The following PPP2R5E variants were observed in gnomAD, a reference collection of about 807,000 sequenced individuals.
PPP2R5E encodes serine/threonine-protein phosphatase 2A 56 kDa regulatory subunit epsilon isoform.
Under a neutral mutation model 65.3 loss-of-function variants are expected in PPP2R5E, and 4 were observed. The observed-to-expected ratio is 0.06, with a 90% CI of 0.03 to 0.14. The LOEUF is 0.14. PPP2R5E is among the 10% of genes least tolerant of loss of function. PPP2R5E has a pLI of 1.00. For missense variants in PPP2R5E, 274 were observed against 556.1 expected (o/e 0.49, Z 5.10); for synonymous variants, 183 against 187.4 (o/e 0.98, Z 0.19).
Position 63,373,546 on chromosome 14 carries a change from A to G in PPP2R5E, c.*2463T>C, listed in dbSNP as rs1283197677. 1 of 152,248 alleles carries G rather than the reference A, an allele frequency of 6.6e-6. No homozygotes were observed. Among genetic ancestry groups the G allele is most frequent in the African/African-American group, 2.4e-5 (1 of 41,468 alleles). 9.4% of individuals were successfully genotyped at this position (152,248 alleles called of 1,614,324 possible). A position where few individuals can be genotyped will look rare whatever the true frequency, so the allele number is the denominator to read the frequency against. The stretch of plus-strand genomic sequence containing the variant: ...GTTTCTTCTCAGAAGTTGCCCTACG[A>G]ATTTTAGACATATAGCTTTAATTGA... On this transcript the variant is annotated 3_prime_UTR_variant, in exon 14 of 14. Transcript: ENST00000337537.
intron 5 of PPP2R5E, among the ~76,000 whole-genome samples, chr14:63,401,762 T>C (rs1455277789): frequency 1.3e-5 from 2 of 152,092 alleles, no homozygotes; most frequent in African/African-American, 4.8e-5. Flanking sequence ...AAGATGGAAG[T>C]GGATGACAAG....
rs531853213 is a variant in PPP2R5E, at chr14:63,541,973, A to T, written c.-8+806T>A. 1.7e-4 allele frequency among the ~76,000 whole-genome samples: 26 copies of T among 152,336 alleles called. No individual in the cohort carries two copies. The South Asian group carries it at 5.4e-3, about 32-fold the overall frequency. On this transcript the variant is annotated intron_variant, in intron 1 of 13. Coordinates refer to ENST00000337537, the MANE Select transcript of PPP2R5E (RefSeq NM_006246.5). ...GCATCAGCCAAAAGCTCCACATCTTATTTGTACGTTGTAAATTTAGGGGCC... is the reference window on the plus strand; with the variant it reads ...GCATCAGCCAAAAGCTCCACATCTTTTTTGTACGTTGTAAATTTAGGGGCC...
chr14:63,491,057 G>T (rs1891264004), intron 2 of PPP2R5E, among the ~76,000 whole-genome samples: 1 of 151,922 alleles, frequency 6.6e-6, no homozygotes, highest in Non-Finnish European at 1.5e-5. Flanking sequence ...AGCATAAGAA[G>T]AATGAAATCA....
At chr14:63,515,460 C>A (rs954963871) in intron 2 of PPP2R5E, among the ~76,000 whole-genome samples, 24 of 152,136 alleles carry the variant, frequency 1.6e-4, no homozygotes, top group Admixed American at 1.5e-3. Flanking sequence ...TTTCTTGGAG[C>A]CTTGGTTTCC....
intron 2 of PPP2R5E, among the ~76,000 whole-genome samples, chr14:63,481,272 G>A (rs1025377406): frequency 5.9e-5 from 9 of 152,084 alleles, no homozygotes; most frequent in Non-Finnish European, 1.3e-4. Context: ...CGAGGCGGGT[G>A]AATCACCTGA....
At chr14:63,399,366 C>CTTTTTTT (rs397814218) in intron 5 of PPP2R5E, among the ~76,000 whole-genome samples, 641 of 48,566 alleles carry the variant, frequency 0.013, 98 homozygotes, top group Non-Finnish European at 0.017. Flanking sequence ...GGATTTCTTT[C>CTTTTTTT]TTTTTTTTTT....
chr14:63,432,039 CA>C (rs5809200), intron 3 of PPP2R5E, among the ~76,000 whole-genome samples: 25,054 of 115,904 alleles, frequency 0.22, 2,553 homozygotes, highest in African/African-American at 0.33. Context: ...AAGGGAATAT[CA>C]AAAAAAAAAA....
intron 2 of PPP2R5E, among the ~76,000 whole-genome samples, chr14:63,520,325 G>T (rs904417526): frequency 6.6e-6 from 1 of 151,818 alleles, no homozygotes; most frequent in African/African-American, 2.4e-5. Flanking sequence ...GTGAGCCACC[G>T]CGCCCAGCCA....
chr14:63,420,061 A>G (rs1025931302), intron 4 of PPP2R5E, among the ~76,000 whole-genome samples: 1 of 152,170 alleles, frequency 6.6e-6, no homozygotes, highest in Non-Finnish European at 1.5e-5. Flanking sequence ...GTAAAAGTTT[A>G]TTGTACTTTA....
intron 2 of PPP2R5E, among the ~76,000 whole-genome samples, chr14:63,466,959 G>T (rs1400374940): frequency 6.6e-6 from 1 of 152,172 alleles, no homozygotes; most frequent in Non-Finnish European, 1.5e-5. Context: ...GGGTGCAGTG[G>T]CTCACGCCTG....
chr14:63,464,571 C>T (rs1358859999), intron 2 of PPP2R5E, among the ~76,000 whole-genome samples: 1 of 152,170 alleles, frequency 6.6e-6, no homozygotes, highest in Non-Finnish European at 1.5e-5. Context: ...GAAGAAAGGA[C>T]AAGTGGCTGC....
chr14:63,408,771 A>T (rs1045460565), intron 5 of PPP2R5E, among the ~76,000 whole-genome samples: 1 of 152,192 alleles, frequency 6.6e-6, no homozygotes, highest in South Asian at 2.1e-4. Flanking sequence ...ATATATTTTT[A>T]AAATTCTATT....
intron 2 of PPP2R5E, among the ~76,000 whole-genome samples, chr14:63,501,498 ATAAAGTAGATTAGTGAT>A (rs1469783448): frequency 2.6e-5 from 4 of 152,316 alleles, no homozygotes; most frequent in East Asian, 1.9e-4. Flanking sequence ...AGATACATAC[ATAAAGTAGATTAGTGAT>A]TAAAGTAGAT....
intron 5 of PPP2R5E, among the ~76,000 whole-genome samples, chr14:63,413,948 G>A (rs528418972): frequency 2.6e-5 from 4 of 152,216 alleles, no homozygotes; most frequent in South Asian, 4.2e-4. Flanking sequence ...GGGTGTACAG[G>A]TACTAATGAG....
chr14:63,456,512 T>C (rs767891164), intron 2 of PPP2R5E, among the ~76,000 whole-genome samples: 11 of 152,270 alleles, frequency 7.2e-5, no homozygotes, highest in Non-Finnish European at 1.5e-4. Flanking sequence ...GGTACATTTA[T>C]TGGGCACTTT....
At chr14:63,473,065 T>C (rs1388352124) in intron 2 of PPP2R5E, among the ~76,000 whole-genome samples, 1 of 152,122 alleles carries the variant, frequency 6.6e-6, no homozygotes, top group Non-Finnish European at 1.5e-5. Context: ...AACAAAGGGA[T>C]TTTTTAAATT....
chr14:63,392,128 A>G, intron 8 of PPP2R5E, 103 bp from the exon 9 acceptor site: 1 of 748,924 alleles, frequency 1.3e-6, no homozygotes, highest in Middle Eastern at 3.8e-4. Flanking sequence ...GACTGCTTTT[A>G]ATAACTTCAC....
At chr14:63,485,261 C>CATTTT (rs1170293191) in intron 2 of PPP2R5E, among the ~76,000 whole-genome samples, 1 of 151,308 alleles carries the variant, frequency 6.6e-6, no homozygotes, top group Non-Finnish European at 1.5e-5. Flanking sequence ...TACCCTCTTC[C>CATTTT]ATTTTATTTT....
intron 3 of PPP2R5E, chr14:63,452,365 G>A (rs1217165024): frequency 1.3e-5 from 2 of 152,108 alleles, no homozygotes; most frequent in Non-Finnish European, 2.9e-5. Flanking sequence ...TGATATCTGG[G>A]GCCAGATAAT....
Sources: gnomAD v4.1 joint callset for allele counts (sites outside exome capture counted in the v4.1 genomes callset) on GRCh38, gnomAD v4.1.1 for gene constraint, MANE v1.5 for transcripts, NCBI Gene and HGNC (gene_info 2026-07-23, HGNC 2026-07-21) for gene names.